GALNT13: variants seen among roughly 807,000 people sequenced by gnomAD.
GALNT13 encodes the protein polypeptide N-acetylgalactosaminyltransferase 13.
A neutral mutation model predicts 64.2 loss-of-function variants in GALNT13; 28 were observed. The observed-to-expected ratio is 0.44, with a 90% CI of 0.32 to 0.60. GALNT13 has a LOEUF of 0.60. GALNT13 is among the 20% of genes least tolerant of loss of function. The probability of loss-of-function intolerance (pLI) is 0.05; values close to 1 mark genes in which losing one functional copy is unlikely to be tolerated. For missense variants in GALNT13, 577 were observed against 669.8 expected (o/e 0.86, Z 1.53); for synonymous variants, 214 against 224.6 (o/e 0.95, Z 0.42).
At chr2:154,349,122 C>G (rs569461198) in intron 9 of GALNT13, among the ~76,000 whole-genome samples, 1 of 152,118 alleles carries the variant, frequency 6.6e-6, no homozygotes. Flanking sequence ...AATGTCTCCA[C>G]AAATGTCCAC....
At chr2:153,083,059 C>T in the GALNT13 span, among the ~76,000 whole-genome samples, 2 of 152,072 alleles carry the variant, frequency 1.3e-5, no homozygotes, top group Middle Eastern at 3.4e-3. Context: ...AAACTCCTGA[C>T]CACTTGATCT....
intron 3 of GALNT13, among the ~76,000 whole-genome samples, chr2:153,971,569 A>T (rs565898935): frequency 6.6e-6 from 1 of 152,286 alleles, no homozygotes; most frequent in Admixed American, 6.5e-5. Context: ...AGAGAGACTT[A>T]TTTCAAGAAT....
At chr2:153,718,550 A>G in the GALNT13 span, among the ~76,000 whole-genome samples, 1 of 152,094 alleles carries the variant, frequency 6.6e-6, no homozygotes, top group Non-Finnish European at 1.5e-5. Flanking sequence ...AAAGTAATAG[A>G]GGTGAAATTT....
chr2:153,667,833 A>G, the GALNT13 span, among the ~76,000 whole-genome samples: 2 of 152,202 alleles, frequency 1.3e-5, no homozygotes, highest in Admixed American at 1.3e-4. Context: ...AAGAGTAACA[A>G]GCTGGGTAAA....
At chr2:153,678,304 TA>T in the GALNT13 span, among the ~76,000 whole-genome samples, 1 of 151,822 alleles carries the variant, frequency 6.6e-6, no homozygotes, top group African/African-American at 2.4e-5. Context: ...GAAAAGTAGA[TA>T]AATAAAATGT....
At chr2:154,455,780 G>A (rs973373318), downstream of GALNT13, among the ~76,000 whole-genome samples, 6 of 152,116 alleles carry the variant, frequency 3.9e-5, no homozygotes, top group African/African-American at 1.4e-4. Context: ...AATTTTCACT[G>A]TATTTGTTTT....
the GALNT13 span, among the ~76,000 whole-genome samples, chr2:153,318,082 T>A: frequency 6.6e-6 from 1 of 151,306 alleles, no homozygotes; most frequent in Admixed American, 6.6e-5. Flanking sequence ...CATGTGCTAA[T>A]ATCTTTGCAA....
chr2:154,013,064 G>T (rs563031027), intron 3 of GALNT13, among the ~76,000 whole-genome samples: 35 of 148,768 alleles, frequency 2.4e-4, no homozygotes, highest in African/African-American at 8.2e-4. Flanking sequence ...TGTCATTTCA[G>T]CCTGGTGCAG....
chr2:153,295,522 G>C, the GALNT13 span, among the ~76,000 whole-genome samples: 1 of 82,006 alleles, frequency 1.2e-5, no homozygotes, highest in African/African-American at 5.9e-5. Context: ...AACATCTGGA[G>C]TACCTAAAAA....
chr2:154,080,418 G>T (rs1303184782), intron 3 of GALNT13, among the ~76,000 whole-genome samples: 1 of 151,602 alleles, frequency 6.6e-6, no homozygotes, highest in Non-Finnish European at 1.5e-5. Flanking sequence ...GGAGTACAAA[G>T]TCAAGTAGCA....
chr2:153,497,522 ATT>A, the GALNT13 span, among the ~76,000 whole-genome samples: 158 of 36,808 alleles, frequency 4.3e-3, no homozygotes, highest in Admixed American at 8.1e-3. Context: ...TTTCTCCCGC[ATT>A]TTTTTTTTTT....
intron 4 of GALNT13, among the ~76,000 whole-genome samples, chr2:154,188,919 G>A (rs2105749478): frequency 6.6e-6 from 1 of 152,028 alleles, no homozygotes; most frequent in Non-Finnish European, 1.5e-5. Context: ...ACTTTTAATG[G>A]CAAAAACTGC....
At chr2:153,400,827 T>G in the GALNT13 span, among the ~76,000 whole-genome samples, 1 of 152,300 alleles carries the variant, frequency 6.6e-6, no homozygotes, top group East Asian at 1.9e-4. Flanking sequence ...TTTTTCTTTA[T>G]TAGTCTGGCT....
intron 3 of GALNT13, among the ~76,000 whole-genome samples, chr2:154,031,572 A>G (rs2105307113): frequency 6.6e-6 from 1 of 152,154 alleles, no homozygotes; most frequent in African/African-American, 2.4e-5. Context: ...AAGACAGATT[A>G]TGGAAGCATC....
At chr2:154,160,244 G>T (rs1231402005) in intron 4 of GALNT13, among the ~76,000 whole-genome samples, 1 of 152,022 alleles carries the variant, frequency 6.6e-6, no homozygotes, top group Non-Finnish European at 1.5e-5. Context: ...TTCATTTTTT[G>T]TGAGAAGCAT....
At chr2:153,806,612 T>A in the GALNT13 span, among the ~76,000 whole-genome samples, 3 of 149,812 alleles carry the variant, frequency 2.0e-5, no homozygotes, top group African/African-American at 7.4e-5. Flanking sequence ...GAAATCAATA[T>A]CATTATCATG....
chr2:154,107,690 A>ATT (rs35575704), intron 3 of GALNT13, among the ~76,000 whole-genome samples: 6 of 151,670 alleles, frequency 4.0e-5, no homozygotes, highest in African/African-American at 1.5e-4. Context: ...TGCAATAGAT[A>ATT]TTTTTTAAAA....
intron 4 of GALNT13, among the ~76,000 whole-genome samples, chr2:154,158,525 CA>C (rs1002486391): frequency 6.6e-6 from 1 of 152,062 alleles, no homozygotes; most frequent in Non-Finnish European, 1.5e-5. Flanking sequence ...TTTTCTTTAG[CA>C]CCCTTCCATC....
intron 3 of GALNT13, among the ~76,000 whole-genome samples, chr2:153,991,456 A>C (rs905163833): frequency 5.3e-5 from 8 of 152,144 alleles, no homozygotes; most frequent in Non-Finnish European, 8.8e-5. Context: ...AAGAGTAAAC[A>C]CTGTCCAGAG....
Sources: allele counts gnomAD v4.1 joint callset (sites outside exome capture counted in the v4.1 genomes callset), GRCh38; gene constraint gnomAD v4.1.1; transcripts MANE v1.5; gene names NCBI Gene and HGNC (gene_info 2026-07-23, HGNC 2026-07-21).